Variants in PDE1A observed in about 807,000 individuals in gnomAD.
PDE1A encodes the protein phosphodiesterase 1A.
PDE1A carries 35 observed loss-of-function variants against 61.7 expected under a neutral mutation model. The ratio of observed to expected loss-of-function variants is 0.57; its 90% CI spans 0.43 to 0.75. The LOEUF (loss-of-function observed/expected upper bound fraction) is 0.75. Among genes scored for constraint, PDE1A ranks in the 30% least tolerant of loss-of-function variants. The pLI is 0.00. For missense variants in PDE1A, 597 were observed against 630.6 expected (o/e 0.95, Z 0.57); for synonymous variants, 232 against 213.2 (o/e 1.09, Z -0.77).
chr2:182,427,659 A>C (rs1703700723), upstream of PDE1A, among the ~76,000 whole-genome samples: 1 of 152,190 alleles, frequency 6.6e-6, no homozygotes, highest in South Asian at 2.1e-4. Context: ...AATAAATGAT[A>C]TTAAAAATTG....
the PDE1A span, among the ~76,000 whole-genome samples, chr2:182,567,937 C>T: frequency 4.6e-5 from 7 of 151,424 alleles, no homozygotes; most frequent in Admixed American, 1.3e-4. Flanking sequence ...GGATTAGAGG[C>T]GCCCGCCACC....
intron 2 of PDE1A, 99 bp downstream of exon 2, chr2:182,264,202 A>T: frequency 1.4e-6 from 1 of 719,754 alleles, no homozygotes; most frequent in South Asian, 2.2e-5. Context: ...TCACAGGAAG[A>T]TATGCTAAAT....
At chr2:182,148,646 A>G (rs907736195) in intron 13 of PDE1A, among the ~76,000 whole-genome samples, 1 of 152,122 alleles carries the variant, frequency 6.6e-6, no homozygotes, top group Admixed American at 6.5e-5. Context: ...TTTGGTTCAC[A>G]TGACACACTC....
chr2:182,295,663 G>A (rs1441228282), intron 1 of PDE1A, among the ~76,000 whole-genome samples: 1 of 138,784 alleles, frequency 7.2e-6, no homozygotes, highest in Middle Eastern at 3.2e-3. Context: ...CATTCAGATT[G>A]AGAGCTAAAA....
chr2:182,417,174 AC>A (rs1412515399), intron 1 of PDE1A, among the ~76,000 whole-genome samples: 7 of 152,162 alleles, frequency 4.6e-5, no homozygotes, highest in African/African-American at 1.7e-4. Flanking sequence ...TTTCCCAAAC[AC>A]TTTATGCACT....
intron 1 of PDE1A, among the ~76,000 whole-genome samples, chr2:182,379,318 C>T (rs1700593213): frequency 6.6e-6 from 1 of 152,242 alleles, no homozygotes; most frequent in African/African-American, 2.4e-5. Flanking sequence ...GCAATTCCTT[C>T]TCACTCTCTC....
chr2:182,516,375 G>T (rs996705837), intron 2 of PDE1A, among the ~76,000 whole-genome samples: 1 of 152,078 alleles, frequency 6.6e-6, no homozygotes, highest in Non-Finnish European at 1.5e-5. Flanking sequence ...GATTGGCCAG[G>T]CATGGTGGCT....
At chr2:182,163,161 C>A (rs938953765), downstream of PDE1A, among the ~76,000 whole-genome samples, 4 of 152,032 alleles carry the variant, frequency 2.6e-5, no homozygotes, top group Admixed American at 6.6e-5. Context: ...GTAAGCTTAC[C>A]CAAGTCGTGA....
the PDE1A span, among the ~76,000 whole-genome samples, chr2:182,675,618 G>A: frequency 6.6e-6 from 1 of 152,094 alleles, no homozygotes; most frequent in Non-Finnish European, 1.5e-5. Context: ...TCCAGCATCT[G>A]TTATTTTTTG....
intron 1 of PDE1A, among the ~76,000 whole-genome samples, chr2:182,412,868 T>G (rs1702698911): frequency 6.6e-6 from 1 of 152,128 alleles, no homozygotes; most frequent in East Asian, 1.9e-4. Flanking sequence ...AGAAATATAC[T>G]CAGAAATTCA....
chr2:182,168,338 T>C, intron 13 of PDE1A: 1 of 1,503,570 alleles, frequency 6.7e-7, no homozygotes, highest in South Asian at 1.3e-5. Flanking sequence ...GAGAAAATGC[T>C]GTAAAGAAGT....
chr2:182,215,831 A>G (rs1688125468), intron 7 of PDE1A, among the ~76,000 whole-genome samples: 1 of 74,404 alleles, frequency 1.3e-5, no homozygotes, highest in African/African-American at 5.4e-5. Context: ...GAATTCTACC[A>G]GAGGTACAAG....
intron 1 of PDE1A, among the ~76,000 whole-genome samples, chr2:182,300,748 A>G (rs1695188848): frequency 6.6e-6 from 1 of 152,214 alleles, no homozygotes; most frequent in African/African-American, 2.4e-5. Context: ...CTGAACAAAC[A>G]AATGGATAGA....
At chr2:182,551,971 T>A in the PDE1A span, among the ~76,000 whole-genome samples, 1 of 152,164 alleles carries the variant, frequency 6.6e-6, no homozygotes, top group African/African-American at 2.4e-5. Flanking sequence ...TTACTCTGGA[T>A]GAACAGATAA....
At chr2:182,196,857 G>GTT (rs1686175457) in intron 10 of PDE1A, among the ~76,000 whole-genome samples, 1 of 151,710 alleles carries the variant, frequency 6.6e-6, no homozygotes, top group South Asian at 2.1e-4. Context: ...CTAGCATTGA[G>GTT]TTTTTTTAAG....
chr2:182,391,944 C>G (rs1438043830), intron 1 of PDE1A, among the ~76,000 whole-genome samples: 1 of 152,180 alleles, frequency 6.6e-6, no homozygotes, highest in African/African-American at 2.4e-5. Flanking sequence ...CATGACCCCT[C>G]AATCAGTTTT....
the PDE1A span, among the ~76,000 whole-genome samples, chr2:182,665,809 A>T: frequency 2.2e-4 from 33 of 152,228 alleles, no homozygotes; most frequent in Non-Finnish European, 4.0e-4. Context: ...AAGACATGGA[A>T]TCAACCCAAA....
intron 2 of PDE1A, among the ~76,000 whole-genome samples, chr2:182,510,211 C>T (rs965895679): frequency 2.2e-4 from 33 of 151,914 alleles, no homozygotes; most frequent in Non-Finnish European, 4.3e-4. Context: ...GAAAGTATAG[C>T]TGAAAGGAGA....
At chr2:182,561,234 A>G in the PDE1A span, among the ~76,000 whole-genome samples, 1 of 152,088 alleles carries the variant, frequency 6.6e-6, no homozygotes, top group Admixed American at 6.6e-5. Context: ...ATTTTTGTAT[A>G]AGGTGTAAGG....
Sources: allele counts gnomAD v4.1 joint callset (sites outside exome capture counted in the v4.1 genomes callset), GRCh38; gene constraint gnomAD v4.1.1; transcripts MANE v1.5; gene names NCBI Gene and HGNC (gene_info 2026-07-23, HGNC 2026-07-21).